The following KCNN2 variants were observed in gnomAD, a reference collection of about 807,000 sequenced individuals.
KCNN2 encodes the protein potassium calcium-activated channel subfamily N member 2.
Under a neutral mutation model 55.5 loss-of-function variants are expected in KCNN2, and 24 were observed. The observed-to-expected ratio is 0.43, with a 90% CI of 0.31 to 0.61. The LOEUF is 0.61. Ranked by LOEUF, KCNN2 falls within the 20% of genes least tolerant of loss-of-function variation. KCNN2 has a pLI of 0.08. For synonymous variants in KCNN2, 431 were observed against 336.1 expected, an observed-to-expected ratio of 1.28 and a Z score of -3.09; for missense variants, 754 against 853.6, an observed-to-expected ratio of 0.88 and a Z score of 1.45.
intron 2 of KCNN2, among the ~76,000 whole-genome samples, chr5:114,292,637 CTTTG>C (rs1190273742): frequency 2.0e-5 from 3 of 152,130 alleles, no homozygotes; most frequent in African/African-American, 7.2e-5. Context: ...ATGCTTCCAG[CTTTG>C]TTCTTTTGGC....
In KCNN2 at chr5:114,380,461, G is replaced by C. The variant is rs79769950; in HGVS notation, c.1218+16460G>C. Among the ~76,000 whole-genome samples the C allele has an allele frequency of 7.4e-3, 1,122 of 152,274 alleles. 17 individuals carry two copies. Among genetic ancestry groups the C allele is most frequent in the East Asian group, 0.05 (260 of 5,186 alleles). Reference sequence around the variant, plus strand: ...ACAGAGCATCAAAGAGAAAGGGATCGTGATTCAATTCCAGGTTTTCCTAAC... The same window carrying C: ...ACAGAGCATCAAAGAGAAAGGGATCCTGATTCAATTCCAGGTTTTCCTAAC... On this transcript the variant is annotated intron_variant, in intron 2 of 7. Coordinates refer to ENST00000673685, the MANE Select transcript of KCNN2 (RefSeq NM_021614.4).
intron 1 of KCNN2, among the ~76,000 whole-genome samples, chr5:114,102,060 G>A (rs537798015): frequency 6.6e-6 from 1 of 152,252 alleles, no homozygotes; most frequent in Non-Finnish European, 1.5e-5. Context: ...CAGTGAAAAA[G>A]CATTCTTATT....
chr5:114,252,499 C>G (rs1008014688), intron 2 of KCNN2, among the ~76,000 whole-genome samples: 1 of 152,140 alleles, frequency 6.6e-6, no homozygotes, highest in African/African-American at 2.4e-5. Flanking sequence ...TCTGTTTTCT[C>G]TCTCAACAGT....
At chr5:114,393,243 A>G (rs140339497) in intron 2 of KCNN2, among the ~76,000 whole-genome samples, 136 of 152,270 alleles carry the variant, frequency 8.9e-4, no homozygotes, top group African/African-American at 3.2e-3. Context: ...GCTTGGTTTT[A>G]TTGAATATTT....
intron 1 of KCNN2, among the ~76,000 whole-genome samples, chr5:114,106,928 T>G (rs551195265): frequency 1.6e-4 from 24 of 152,192 alleles, no homozygotes; most frequent in Middle Eastern, 3.4e-3. Context: ...TATTTCTGTC[T>G]TGTTTAAGAA....
intron 2 of KCNN2, among the ~76,000 whole-genome samples, chr5:114,349,958 G>T (rs187106822): frequency 1.8e-4 from 28 of 152,070 alleles, no homozygotes; most frequent in Admixed American, 9.2e-4. Flanking sequence ...TGGGTGTGAA[G>T]TATCAAATTG....
intron 1 of KCNN2, among the ~76,000 whole-genome samples, chr5:114,162,599 G>A (rs2112532998): frequency 6.6e-6 from 1 of 152,324 alleles, no homozygotes; most frequent in Non-Finnish European, 1.5e-5. Flanking sequence ...TGCCGCCAGA[G>A]TTGGACCCTA....
chr5:114,102,533 T>C lies in KCNN2; in HGVS notation c.-271+46033T>C, dbSNP rs1751393786. On this transcript the variant is annotated intron_variant, in intron 1 of 10. Transcript: ENST00000512097. ...GCCCATTCCTATGTCCTGAATGGTA[T>C]TCCCTAGGTTTTCTTCTACGATTTT... is the stretch of plus-strand genomic sequence containing the variant. Among the ~76,000 whole-genome samples, 3 of 152,308 alleles carry C rather than the reference T, an allele frequency of 2.0e-5. No homozygotes were observed. In the South Asian group the frequency reaches 6.2e-4, roughly 32 times the overall value.
intron 2 of KCNN2, among the ~76,000 whole-genome samples, chr5:114,238,516 C>T (rs1754553128): frequency 6.6e-6 from 1 of 151,800 alleles, no homozygotes; most frequent in African/African-American, 2.4e-5. Flanking sequence ...GTCCCAGCTA[C>T]TCGGGGGACT....
chr5:114,259,599 C>G (rs939356871), intron 2 of KCNN2, among the ~76,000 whole-genome samples: 3 of 152,036 alleles, frequency 2.0e-5, no homozygotes, highest in African/African-American at 7.3e-5. Flanking sequence ...TGCACATGTA[C>G]CGTAAAACTT....
chr5:114,305,465 C>A (rs1756250349), intron 2 of KCNN2, among the ~76,000 whole-genome samples: 1 of 152,134 alleles, frequency 6.6e-6, no homozygotes. Flanking sequence ...GAGAAATAAA[C>A]CTCCAGGCTG....
At chr5:114,335,754 G>T (rs1756911141) in intron 2 of KCNN2, among the ~76,000 whole-genome samples, 1 of 151,752 alleles carries the variant, frequency 6.6e-6, no homozygotes, top group Admixed American at 6.6e-5. Flanking sequence ...TAGGGCTCAA[G>T]AAAAAGAAAG....
At chr5:114,387,884 T>C (rs1758334158) in intron 2 of KCNN2, among the ~76,000 whole-genome samples, 1 of 152,190 alleles carries the variant, frequency 6.6e-6, no homozygotes, top group Non-Finnish European at 1.5e-5. Flanking sequence ...TCAGATATTA[T>C]TTATCATAGG....
intron 5 of KCNN2, among the ~76,000 whole-genome samples, chr5:114,478,747 C>G (rs551787245): frequency 1.3e-5 from 2 of 152,216 alleles, no homozygotes; most frequent in African/African-American, 4.8e-5. Context: ...GGCCCATATT[C>G]AACATTCTTA....
chr5:114,401,337 A>G (rs560873460), intron 2 of KCNN2, among the ~76,000 whole-genome samples: 8 of 152,204 alleles, frequency 5.3e-5, no homozygotes, highest in Non-Finnish European at 1.0e-4. Flanking sequence ...ATGCTGCTGC[A>G]ATGACTTATT....
intron 2 of KCNN2, among the ~76,000 whole-genome samples, chr5:114,242,249 C>G (rs1754660701): frequency 6.6e-6 from 1 of 152,040 alleles, no homozygotes; most frequent in African/African-American, 2.4e-5. Flanking sequence ...CAAAGGCAGT[C>G]AGTGCCTCTG....
chr5:114,456,389 A>AAAAC (rs1466149653), intron 3 of KCNN2, among the ~76,000 whole-genome samples: 1 of 152,188 alleles, frequency 6.6e-6, no homozygotes, highest in East Asian at 1.9e-4. Context: ...TCTGTTGCTC[A>AAAAC]AAACAAACAA....
intron 1 of KCNN2, among the ~76,000 whole-genome samples, chr5:114,192,321 A>G (rs114995298): frequency 6.6e-6 from 1 of 152,274 alleles, no homozygotes; most frequent in Non-Finnish European, 1.5e-5. Flanking sequence ...ACTTCTCCAA[A>G]TGATAAATCA....
At chr5:114,061,497 A>G (rs1750329391) in intron 1 of KCNN2, among the ~76,000 whole-genome samples, 1 of 152,176 alleles carries the variant, frequency 6.6e-6, no homozygotes, top group African/African-American at 2.4e-5. Flanking sequence ...TAACGAAGGC[A>G]AAAGTGTCTC....
Sources: gnomAD v4.1 joint callset for allele counts (sites outside exome capture counted in the v4.1 genomes callset) on GRCh38, gnomAD v4.1.1 for gene constraint, MANE v1.5 for transcripts, NCBI Gene and HGNC (gene_info 2026-07-23, HGNC 2026-07-21) for gene names.